Variants in KLHL4 observed in about 807,000 individuals in gnomAD.
The protein encoded by KLHL4 is kelch like family member 4.
A neutral mutation model predicts 45.8 loss-of-function variants in KLHL4; 17 were observed. That is an observed-to-expected ratio of 0.37 (90% CI 0.25 to 0.56). KLHL4 has a LOEUF of 0.56. Among genes scored for constraint, KLHL4 ranks in the 20% least tolerant of loss-of-function variants. KLHL4 has a pLI of 0.79. For synonymous variants in KLHL4, 224 were observed against 189.9 expected (o/e 1.18, Z -1.47); for missense variants, 544 against 544.9 (o/e 1.00, Z 0.02).
At chrX:87,591,594 G>A (rs1287128358) in intron 1 of KLHL4, among the ~76,000 whole-genome samples, 1 of 111,678 alleles carries the variant, frequency 9.0e-6, no homozygotes, top group Non-Finnish European at 1.9e-5. Flanking sequence ...CTCCCACTTT[G>A]CAGATTGTGT....
At chrX:87,570,751 C>T (rs1932320927) in intron 1 of KLHL4, among the ~76,000 whole-genome samples, 1 of 110,826 alleles carries the variant, frequency 9.0e-6, no homozygotes, top group African/African-American at 3.3e-5. Context: ...AGTGACTAGA[C>T]TTATACTTCT....
At chrX:87,630,977 C>T (rs750242999) in intron 6 of KLHL4, among the ~76,000 whole-genome samples, 1 of 110,986 alleles carries the variant, frequency 9.0e-6, no homozygotes, top group Admixed American at 9.6e-5. Flanking sequence ...GAGAAGGGTC[C>T]TGGAAAAATG....
At chrX:87,518,496 G>A (rs777563240) in intron 1 of KLHL4, among the ~76,000 whole-genome samples, 181 bp downstream of exon 1, 2 of 111,764 alleles carry the variant, frequency 1.8e-5, no homozygotes, top group East Asian at 5.7e-4. Context: ...TAATGAATAC[G>A]TCTTTATAAT....
rs756106264 is a variant in KLHL4, at chrX:87,622,216, C to G, written c.930C>G (p.His310Gln). 3 of 1,195,565 alleles carry G rather than the reference C, an allele frequency of 2.5e-6. No homozygotes were observed. The highest frequency in any genetic ancestry group is 2.2e-5 in the Admixed American group (1 of 45,502). Residue 310 changes from histidine to glutamine, a missense_variant, in exon 5 of 11, where the codon CAC becomes CAG. By Grantham distance (24) the His-to-Gln change is conservative. Coordinates refer to ENST00000373119, the MANE Select transcript of KLHL4 (RefSeq NM_019117.5). Reference protein sequence around the residue: ...LNVAHKYTMEHFIEVIKNQEF... With the variant: ...LNVAHKYTMEQFIEVIKNQEF... ...AGATGACCTTTCTTTTCTAGGAACACTTCATTGAGGTAATAAAAAACCAAG... is the reference window on the plus strand; with the variant it reads ...AGATGACCTTTCTTTTCTAGGAACAGTTCATTGAGGTAATAAAAAACCAAG...
chrX:87,660,254 T>C (rs993209133), intron 9 of KLHL4, among the ~76,000 whole-genome samples: 3 of 111,493 alleles, frequency 2.7e-5, no homozygotes, highest in South Asian at 3.8e-4. Context: ...ACACAGATAT[T>C]TTAAAAATCC....
At chrX:87,654,200 C>T (rs1176396507) in intron 9 of KLHL4, among the ~76,000 whole-genome samples, 1 of 111,346 alleles carries the variant, frequency 9.0e-6, no homozygotes, top group African/African-American at 3.3e-5. Flanking sequence ...CAACATGGAC[C>T]TATTGCAAAG....
chrX:87,566,967 C>T (rs899191718), intron 1 of KLHL4, among the ~76,000 whole-genome samples: 12 of 110,752 alleles, frequency 1.1e-4, no homozygotes, highest in African/African-American at 1.6e-4. Flanking sequence ...ATAAGTACTA[C>T]GCTTAATACC....
At chrX:87,657,835 G>C (rs1487915425) in intron 9 of KLHL4, among the ~76,000 whole-genome samples, 1 of 111,991 alleles carries the variant, frequency 8.9e-6, no homozygotes, top group Admixed American at 9.4e-5. Flanking sequence ...GCTGCATCAG[G>C]CATACCCATA....
chrX:87,561,124 C>G (rs1314807163), intron 1 of KLHL4, among the ~76,000 whole-genome samples: 1 of 111,198 alleles, frequency 9.0e-6, no homozygotes. Context: ...GCTAGATGGC[C>G]GAAGAGAACC....
At chrX:87,526,573 T>A (rs1261699812) in intron 1 of KLHL4, among the ~76,000 whole-genome samples, 1 of 111,893 alleles carries the variant, frequency 8.9e-6, no homozygotes, top group African/African-American at 3.2e-5. Context: ...GAATGTTTCA[T>A]GGAGGTGACA....
intron 9 of KLHL4, among the ~76,000 whole-genome samples, chrX:87,653,612 A>G (rs1222248158): frequency 8.9e-6 from 1 of 111,940 alleles, no homozygotes; most frequent in African/African-American, 3.3e-5. Context: ...CATTTGACCC[A>G]GCAATCTCAT....
rs993773756 is a variant in KLHL4, at chrX:87,667,496, C to T, written c.*962C>T. On this transcript the variant is annotated 3_prime_UTR_variant, in exon 11 of 11. Coordinates refer to ENST00000373119, the MANE Select transcript of KLHL4 (RefSeq NM_019117.5). ...GGGAACACCAAAATATTCAATAAGC[C>T]TGGTCAATTCTATAGTTATCTTTTT... The T allele has an allele frequency of 4.1e-6, 3 of 725,270 alleles. No individual in the cohort carries two copies. The highest frequency in any genetic ancestry group is 4.7e-5 in the African/African-American group (2 of 42,257). 59.8% of individuals were successfully genotyped at this position (725,270 alleles called of 1,213,427 possible).
At chrX:87,547,506 A>G (rs1431393240) in intron 1 of KLHL4, among the ~76,000 whole-genome samples, 1 of 111,576 alleles carries the variant, frequency 9.0e-6, no homozygotes, top group Non-Finnish European at 1.9e-5. Flanking sequence ...TAAAACAGAG[A>G]CAAAATTCAA....
chrX:87,643,168 TA>T (rs1292539401), intron 9 of KLHL4, among the ~76,000 whole-genome samples: 1 of 111,535 alleles, frequency 9.0e-6, no homozygotes, highest in Admixed American at 9.5e-5. Context: ...GATAGACCAT[TA>T]GCAAGATTAA....
chrX:87,562,061 C>T (rs1290592912), intron 1 of KLHL4, among the ~76,000 whole-genome samples: 6 of 108,995 alleles, frequency 5.5e-5, no homozygotes, highest in African/African-American at 2.0e-4. Flanking sequence ...TCATTTGTGA[C>T]CCAGCACATT....
chrX:87,627,368 G>T (rs1313414856), intron 6 of KLHL4, among the ~76,000 whole-genome samples: 4 of 110,864 alleles, frequency 3.6e-5, no homozygotes, highest in Non-Finnish European at 5.7e-5. Flanking sequence ...AAAAAAAAAA[G>T]TTTAAAAACT....
chrX:87,550,392 A>G (rs1249043492), intron 1 of KLHL4, among the ~76,000 whole-genome samples: 3 of 111,387 alleles, frequency 2.7e-5, no homozygotes, highest in African/African-American at 9.8e-5. Context: ...AAAGTACAGG[A>G]CCAGATGGAT....
intron 9 of KLHL4, among the ~76,000 whole-genome samples, chrX:87,640,817 AT>A (rs1923431544): frequency 9.0e-6 from 1 of 111,521 alleles, no homozygotes; most frequent in African/African-American, 3.3e-5. Flanking sequence ...TCTATTCAAC[AT>A]AGTATTGGAA....
At chrX:87,659,959 A>AGTGTGTGTGTGTGT (rs113545604) in intron 9 of KLHL4, among the ~76,000 whole-genome samples, 1 of 103,480 alleles carries the variant, frequency 9.7e-6, no homozygotes, top group African/African-American at 3.5e-5. Flanking sequence ...TGCGCGTATG[A>AGTGTGTGTGTGTGT]GTGTGTGTGT....
Sources: allele counts gnomAD v4.1 joint callset (sites outside exome capture counted in the v4.1 genomes callset), GRCh38; gene constraint gnomAD v4.1.1; transcripts MANE v1.5; gene names NCBI Gene and HGNC (gene_info 2026-07-23, HGNC 2026-07-21).